DEDD2: variants seen among roughly 807,000 people sequenced by gnomAD.
DEDD2 encodes DNA-binding death effector domain-containing protein 2.
A neutral mutation model predicts 28.9 loss-of-function variants in DEDD2; 18 were observed. That is an observed-to-expected ratio of 0.62 (90% confidence interval 0.43 to 0.92). The LOEUF (loss-of-function observed/expected upper bound fraction) is 0.92, where lower values mean the gene tolerates loss of function less well. Ranked by LOEUF, DEDD2 falls within the 40% of genes least tolerant of loss-of-function variation. The probability of loss-of-function intolerance (pLI) is 0.00; values close to 1 mark genes in which losing one functional copy is unlikely to be tolerated. For missense variants in DEDD2, 411 were observed against 463.3 expected (o/e 0.89, Z 1.04); for synonymous variants, 211 against 206.1 (o/e 1.02, Z -0.20).
chr19:42,216,900 T>C lies in DEDD2; in HGVS notation c.108A>G (p.Gln36=), dbSNP rs1365234235. ...LHRMFEVVGG[Q]LTECELELLA... is the part of the protein sequence containing the mutation. ...GGAGCTCCAGCTCGCACTCGGTCAG[T>C]TGCCCGCCCACCACCTCGAACATAC... Residue 36 remains glutamine (Q), a synonymous_variant, in exon 2 of 5, where the codon CAA becomes CAG. Transcript: ENST00000596251. 1.9e-6 allele frequency: 3 copies of C among 1,599,018 alleles called. No homozygotes were observed. Among genetic ancestry groups the C allele is most frequent in the East Asian group, 2.3e-5 (1 of 43,784 alleles).
At chr19:42,206,321 C>T (rs1258182584) in intron 4 of DEDD2, among the ~76,000 whole-genome samples, 3 of 152,214 alleles carry the variant, frequency 2.0e-5, no homozygotes, top group African/African-American at 7.2e-5. Context: ...CCACTTGGGC[C>T]TGTGCTCCCG....
Position 42,200,490 on chromosome 19 carries a change from C to A in DEDD2, c.590-661G>T, listed in dbSNP as rs570907592. On this transcript the variant is annotated intron_variant, in intron 4 of 4. Coordinates refer to ENST00000596251, the MANE Select transcript of DEDD2 (RefSeq NM_133328.4). ...CACATGGTGCCAACCACATCCCCAT[C>A]CCTCCCATCCACCTGAGCCAGCACT... is the stretch of plus-strand genomic sequence containing the variant. 7.5e-4 allele frequency among the ~76,000 whole-genome samples: 114 copies of A among 152,370 alleles called. 1 individual carries two copies. Among genetic ancestry groups the A allele is most frequent in the African/African-American group, 2.6e-3 (109 of 41,584 alleles).
In DEDD2 at chr19:42,209,763, G is replaced by A; in HGVS notation, c.526C>T (p.Pro176Ser). 1 of 1,602,168 alleles carries A rather than the reference G, an allele frequency of 6.2e-7. No homozygotes were observed. The highest frequency in any genetic ancestry group is 8.5e-7 in the Non-Finnish European group (1 of 1,175,174). The change falls in exon 4 of 5, where the codon CCA becomes TCA. Residue 176 changes from proline (P) to serine (S), a missense_variant. Coordinates refer to ENST00000596251, the MANE Select transcript of DEDD2 (RefSeq NM_133328.4). ...GGARRRRRGAPAAPQQQSEPA... is the reference protein window; with the variant it reads ...GGARRRRRGASAAPQQQSEPA... ...TCTGACTGCTGCTGGGGTGCGGCTGGGGCCCCTCTCCGCCGCCGTCTGGCA... is the reference window on the plus strand; with the variant it reads ...TCTGACTGCTGCTGGGGTGCGGCTGAGGCCCCTCTCCGCCGCCGTCTGGCA...
In DEDD2 at chr19:42,198,883, A is replaced by T. The variant is rs1451283243; in HGVS notation, c.*555T>A. On this transcript the variant is annotated 3_prime_UTR_variant, in exon 5 of 5. Transcript: ENST00000596251. ...TGGGCAGGGCCCTGGCTGGCTGGAG[A>T]TGTGTGGGCAAGGTGAGCAGGCCCC... The T allele has an allele frequency of 6.5e-6, 1 of 153,394 alleles. No homozygotes were observed. 9.5% of individuals were successfully genotyped at this position (153,394 alleles called of 1,614,324 possible).
chr19:42,214,894 A>C (rs1479914437), intron 3 of DEDD2, among the ~76,000 whole-genome samples: 1 of 152,194 alleles, frequency 6.6e-6, no homozygotes, highest in African/African-American at 2.4e-5. Flanking sequence ...TAGCAAAGAC[A>C]GCCAGGTGCA....
chr19:42,217,423 C>A (rs1217345289), intron 1 of DEDD2, among the ~76,000 whole-genome samples: 4 of 152,146 alleles, frequency 2.6e-5, no homozygotes, highest in African/African-American at 4.8e-5. Flanking sequence ...TCTGATGAGT[C>A]CCCCGGCTCT....
At chr19:42,217,956 C>T (rs567748291), upstream of DEDD2, among the ~76,000 whole-genome samples, 51 of 152,322 alleles carry the variant, frequency 3.3e-4, no homozygotes, top group African/African-American at 1.2e-3. Flanking sequence ...CTCAAGCCAC[C>T]GGGGCCATGT....
At chr19:42,210,837 G>A (rs189414341) in intron 3 of DEDD2, among the ~76,000 whole-genome samples, 59 of 152,128 alleles carry the variant, frequency 3.9e-4, no homozygotes, top group Non-Finnish European at 6.0e-4. Flanking sequence ...GGAAGGCCGA[G>A]GTGGGTGGAT....
At position 42,199,868 on chromosome 19, in the gene DEDD2, C is replaced by A. The variant is rs916236879; in HGVS notation, c.590-39G>T. ...AGGGATTTGTCAGGGAGGGGGCCAA[C>A]ACTAGACACACTTATGGGGAACGCC... is the stretch of plus-strand genomic sequence containing the variant. On this transcript the variant is annotated intron_variant, in intron 4 of 4. Transcript: ENST00000596251. This position sits in a 1 kb window ranked among gnomAD's most constrained non-coding sequence, Gnocchi z 7.4. 1.9e-6 allele frequency: 3 copies of A among 1,539,238 alleles called. No individual in the cohort carries two copies. Among genetic ancestry groups the A allele is most frequent in the Non-Finnish European group, 1.8e-6 (2 of 1,140,734 alleles).
chr19:42,199,330 G>A lies in DEDD2; in HGVS notation c.*108C>T. On this transcript the variant is annotated 3_prime_UTR_variant, in exon 5 of 5. Transcript: ENST00000596251. This position sits in a 1 kb window ranked among gnomAD's most constrained non-coding sequence, Gnocchi z 7.4. ...GGCCTGCTGTCCCGGTCCTGTCGCA[G>A]TCCTCAAAGATGCTAGAGTGACAGT... 1 of 1,410,194 alleles carries A rather than the reference G, an allele frequency of 7.1e-7. No homozygotes were observed. The highest frequency in any genetic ancestry group is 1.5e-5 in the South Asian group (1 of 66,856). The allele number at this position is 1,410,194 out of a possible 1,614,324, so 87.4% of individuals were successfully genotyped here.
At chr19:42,214,635 C>A (rs759925707) in intron 3 of DEDD2, among the ~76,000 whole-genome samples, 2 of 151,992 alleles carry the variant, frequency 1.3e-5, no homozygotes, top group Non-Finnish European at 1.5e-5. Flanking sequence ...TGGTGGCATA[C>A]CCCTGTAGTT....
At chr19:42,202,019 T>A in intron 4 of DEDD2, 2 of 398,748 alleles carry the variant, frequency 5.0e-6, no homozygotes, top group Non-Finnish European at 8.8e-6. Flanking sequence ...TGCCACTCTC[T>A]AAGCTGTGGG....
chr19:42,211,237 T>C (rs2146890021), intron 3 of DEDD2, among the ~76,000 whole-genome samples: 1 of 151,948 alleles, frequency 6.6e-6, no homozygotes, highest in East Asian at 1.9e-4. Context: ...GTAAAAAAAT[T>C]AGCCGGGTGT....
At chr19:42,211,225 A>G (rs923187877) in intron 3 of DEDD2, among the ~76,000 whole-genome samples, 1 of 152,104 alleles carries the variant, frequency 6.6e-6, no homozygotes, top group Non-Finnish European at 1.5e-5. Flanking sequence ...TTAAAATAAA[A>G]TGTAAAAAAA....
chr19:42,207,280 T>C (rs1464565818), intron 4 of DEDD2, among the ~76,000 whole-genome samples: 2 of 152,114 alleles, frequency 1.3e-5, no homozygotes, highest in African/African-American at 2.4e-5. Context: ...TGATGCCCAC[T>C]CCCTGGAGGG....
intron 4 of DEDD2, 92 bp downstream of exon 4, chr19:42,209,608 T>C (rs2035668838): frequency 6.7e-7 from 1 of 1,485,062 alleles, no homozygotes; most frequent in Admixed American, 2.4e-5. Context: ...CTGCCAAGTG[T>C]GTCACATCCC....
At chr19:42,200,904 C>T (rs1245116431) in intron 4 of DEDD2, among the ~76,000 whole-genome samples, 8 of 152,188 alleles carry the variant, frequency 5.3e-5, no homozygotes, top group Non-Finnish European at 1.5e-5. Context: ...CACATACCAC[C>T]TCTCTTCCAG....
At chr19:42,219,071 G>A (rs370909527), upstream of DEDD2, among the ~76,000 whole-genome samples, 80 of 152,334 alleles carry the variant, frequency 5.3e-4, no homozygotes, top group East Asian at 0.013. Flanking sequence ...TTGGGAGGCC[G>A]AGGCGGGCGG....
chr19:42,211,460 AGAGGGAGGGAGGAAGG>A (rs1599776627), intron 3 of DEDD2, among the ~76,000 whole-genome samples: 1 of 128,734 alleles, frequency 7.8e-6, no homozygotes, highest in Admixed American at 8.5e-5. Context: ...AAGGAGGAAG[AGAGGGAGGGAGGAAGG>A]GAGGGAGGGG....
Sources: gnomAD v4.1 joint callset for allele counts (sites outside exome capture counted in the v4.1 genomes callset) on GRCh38, gnomAD v4.1.1 for gene constraint, Gnocchi (gnomAD v3.1) non-coding constraint, MANE v1.5 for transcripts, NCBI Gene and HGNC (gene_info 2026-07-23, HGNC 2026-07-21) for gene names.